RNF220: variants seen among roughly 807,000 people sequenced by gnomAD.
RNF220 encodes the protein E3 ubiquitin-protein ligase RNF220.
Under a neutral mutation model 67.1 loss-of-function variants are expected in RNF220, and 7 were observed. The ratio of observed to expected loss-of-function variants is 0.10; its 90% confidence interval spans 0.06 to 0.20. The LOEUF is 0.20. Among genes scored for constraint, RNF220 ranks in the 10% least tolerant of loss-of-function variants. The probability of loss-of-function intolerance (pLI) is 1.00; values close to 1 mark genes in which losing one functional copy is unlikely to be tolerated. For missense variants in RNF220, 565 were observed against 740.3 expected (o/e 0.76, Z 2.75); for synonymous variants, 270 against 283.2 (o/e 0.95, Z 0.47).
At chr1:44,602,166 AG>A (rs1304169330) in intron 2 of RNF220, among the ~76,000 whole-genome samples, 2 of 152,142 alleles carry the variant, frequency 1.3e-5, no homozygotes, top group African/African-American at 4.8e-5. Flanking sequence ...AAAAAATAAT[AG>A]GAGCTGAGGA....
chr1:44,583,874 G>C (rs759750708), intron 2 of RNF220, among the ~76,000 whole-genome samples: 1 of 152,226 alleles, frequency 6.6e-6, no homozygotes, highest in East Asian at 1.9e-4. Context: ...TGAATGGATG[G>C]ATAAATGGTG....
intron 2 of RNF220, among the ~76,000 whole-genome samples, chr1:44,597,468 G>GCA (rs56375404): frequency 0.014 from 1,915 of 135,664 alleles, 24 homozygotes; most frequent in East Asian, 0.07. Flanking sequence ...TCTCTCTCAT[G>GCA]CACACACACA....
intron 2 of RNF220, among the ~76,000 whole-genome samples, chr1:44,461,687 T>G (rs1390370893): frequency 6.6e-6 from 1 of 152,138 alleles, no homozygotes; most frequent in Non-Finnish European, 1.5e-5. Context: ...TGAAGGTGCA[T>G]GATGAGAGCT....
At position 44,573,978 on chromosome 1, in the gene RNF220, C is replaced by T. The variant is rs181406756; in HGVS notation, c.626-40187C>T. On this transcript the variant is annotated intron_variant, in intron 2 of 14. Transcript: ENST00000361799. ...AAAATACCAAAAAATATGAGCTGGG[C>T]GTGGTGGTGCACACCTGTAGTCTCA... 1.6e-3 allele frequency among the ~76,000 whole-genome samples: 237 copies of T among 152,192 alleles called. 3 individuals are homozygous for T. The Middle Eastern group carries it at 0.017, about 11-fold the overall frequency.
chr1:44,647,285 AAAT>A (rs1201665763), intron 12 of RNF220, among the ~76,000 whole-genome samples: 1 of 152,216 alleles, frequency 6.6e-6, no homozygotes, highest in African/African-American at 2.4e-5. Context: ...AGGACTAGGC[AAAT>A]TCTCAGCTTA....
chr1:44,564,343 A>T (rs1663816725), intron 2 of RNF220, among the ~76,000 whole-genome samples: 1 of 152,162 alleles, frequency 6.6e-6, no homozygotes, highest in Non-Finnish European at 1.5e-5. Context: ...GGGGCTTTTT[A>T]AAAACTCTGA....
intron 2 of RNF220, among the ~76,000 whole-genome samples, chr1:44,430,811 C>T (rs1353858917): frequency 1.3e-5 from 2 of 152,214 alleles, no homozygotes; most frequent in Admixed American, 6.5e-5. Context: ...TCCCAAAGTG[C>T]TGGGATTACA....
At chr1:44,431,500 C>CAAAA (rs34244024) in intron 2 of RNF220, among the ~76,000 whole-genome samples, 1 of 90,468 alleles carries the variant, frequency 1.1e-5, no homozygotes. Context: ...GACTTCATCT[C>CAAAA]AAAAAAAAAA....
chr1:44,421,075 T>C (rs1417801696), intron 2 of RNF220, among the ~76,000 whole-genome samples: 1 of 152,200 alleles, frequency 6.6e-6, no homozygotes, highest in Non-Finnish European at 1.5e-5. Context: ...CCCTTCATTA[T>C]TATCCATCCA....
At chr1:44,457,203 C>T (rs1010180314) in intron 2 of RNF220, among the ~76,000 whole-genome samples, 2 of 151,944 alleles carry the variant, frequency 1.3e-5, no homozygotes, top group South Asian at 2.1e-4. Flanking sequence ...CAAATGAACA[C>T]ACAAATAAAT....
At chr1:44,630,719 G>T (rs915607099) in intron 5 of RNF220, among the ~76,000 whole-genome samples, 6 of 152,250 alleles carry the variant, frequency 3.9e-5, no homozygotes, top group African/African-American at 1.4e-4. Context: ...ACCAAGCAAG[G>T]GATACTGGAG....
intron 2 of RNF220, among the ~76,000 whole-genome samples, chr1:44,415,954 A>G (rs1442907216): frequency 6.6e-6 from 1 of 152,256 alleles, no homozygotes; most frequent in Non-Finnish European, 1.5e-5. Flanking sequence ...ACTGGTAGGC[A>G]GGATTTCTTT....
At position 44,645,254 on chromosome 1, in the gene RNF220, G is replaced by A. The variant is rs756175305; in HGVS notation, c.1344G>A (p.Glu448=). Residue 448 remains glutamate (E), a synonymous_variant, in exon 11 of 15, where the codon GAG becomes GAA. Transcript: ENST00000361799. The surrounding 1 kb of genome is among the most constrained non-coding windows in gnomAD (Gnocchi z 5.0). ...CTCCCAGCACGCGCATCACACCTGA[G>A]TTCTCTAAATGGGCCAGTGATGGTA... ...GGPPSTRITP[E]FSKWASDEMP... The A allele has an allele frequency of 2.5e-6, 4 of 1,614,044 alleles. No individual in the cohort carries two copies. The highest frequency in any genetic ancestry group is 2.5e-6 in the Non-Finnish European group (3 of 1,180,002).
intron 2 of RNF220, among the ~76,000 whole-genome samples, chr1:44,585,550 T>C (rs1665635282): frequency 6.6e-6 from 1 of 152,308 alleles, no homozygotes; most frequent in Non-Finnish European, 1.5e-5. Flanking sequence ...CTTCAAACTA[T>C]CAAATCCAAT....
In RNF220 at chr1:44,621,240, G is replaced by A. The variant is rs1643782538; in HGVS notation, c.759-1502G>A. Among the ~76,000 whole-genome samples, 1 of 152,202 alleles carries A rather than the reference G, an allele frequency of 6.6e-6. No homozygotes were observed. Among genetic ancestry groups the A allele is most frequent in the Admixed American group, 6.5e-5 (1 of 15,284 alleles). On this transcript the variant is annotated intron_variant, in intron 3 of 14. Coordinates refer to ENST00000361799, the MANE Select transcript of RNF220 (RefSeq NM_018150.4). The surrounding 1 kb of genome is among the most constrained non-coding windows in gnomAD (Gnocchi z 4.8). ...CATGCATCTGTCTTTATGGACATGT[G>A]TCTGGGAATATGCCTCTGTGGCCCT...
intron 2 of RNF220, among the ~76,000 whole-genome samples, chr1:44,507,764 G>C (rs1658571560): frequency 6.6e-6 from 1 of 152,194 alleles, no homozygotes; most frequent in Non-Finnish European, 1.5e-5. Context: ...CTGGGCGGCT[G>C]TCTCCTGACA....
intron 2 of RNF220, among the ~76,000 whole-genome samples, chr1:44,539,681 G>A (rs1661528137): frequency 6.6e-6 from 1 of 152,204 alleles, no homozygotes; most frequent in African/African-American, 2.4e-5. Flanking sequence ...AGGATGAGTA[G>A]TGTTTACTAA....
chr1:44,423,747 G>C (rs188789335), intron 2 of RNF220: 1 of 743,140 alleles, frequency 1.3e-6, no homozygotes, highest in East Asian at 1.3e-4. Context: ...TCGCTTGGCC[G>C]TTAAACTAAG....
chr1:44,637,078 A>G (rs1253364308), intron 8 of RNF220, among the ~76,000 whole-genome samples: 1 of 152,196 alleles, frequency 6.6e-6, no homozygotes, highest in African/African-American at 2.4e-5. Context: ...TCTCTGGGCA[A>G]CACCTTTGGG....
Sources: gnomAD v4.1 joint callset for allele counts (sites outside exome capture counted in the v4.1 genomes callset) on GRCh38, gnomAD v4.1.1 for gene constraint, Gnocchi (gnomAD v3.1) non-coding constraint, MANE v1.5 for transcripts, NCBI Gene and HGNC (gene_info 2026-07-23, HGNC 2026-07-21) for gene names.